The following GPC5 variants were observed in gnomAD, a reference collection of about 807,000 sequenced individuals.
GPC5 encodes glypican 5.
GPC5 carries 47 observed loss-of-function variants against 53.9 expected under a neutral mutation model. That is an observed-to-expected ratio of 0.87 (90% CI 0.69 to 1.11). The LOEUF (loss-of-function observed/expected upper bound fraction) is 1.11, where lower values mean the gene tolerates loss of function less well. Ranked by LOEUF, GPC5 falls within the 50% of genes most tolerant of loss-of-function variation. The pLI is 0.00. For synonymous variants in GPC5, 286 were observed against 263.3 expected, an observed-to-expected ratio of 1.09 and a Z score of -0.84; for missense variants, 748 against 713.1, an observed-to-expected ratio of 1.05 and a Z score of -0.56.
intron 7 of GPC5, among the ~76,000 whole-genome samples, chr13:92,708,857 CTTTTTTTTTTTTTTTTTTTTTTT>C (rs752130758): frequency 4.4e-4 from 21 of 48,184 alleles, no homozygotes; most frequent in South Asian, 2.8e-3. Flanking sequence ...TGGAAACCGC[CTTTTTTTTTTTTTTTTTTTTTTT>C]TTTTTTTTTT....
intron 7 of GPC5, among the ~76,000 whole-genome samples, chr13:92,386,394 T>C (rs1253619177): frequency 1.3e-5 from 2 of 152,036 alleles, no homozygotes; most frequent in African/African-American, 4.8e-5. Context: ...CCAATGTACT[T>C]TGAATGACAC....
chr13:91,401,040 C>A (rs1876912299), intron 1 of GPC5, among the ~76,000 whole-genome samples: 1 of 152,138 alleles, frequency 6.6e-6, no homozygotes, highest in Admixed American at 6.5e-5. Flanking sequence ...ATGGAGGAAT[C>A]ACGGGAGCAC....
At chr13:92,282,103 C>G (rs964356396) in intron 7 of GPC5, among the ~76,000 whole-genome samples, 1 of 152,114 alleles carries the variant, frequency 6.6e-6, no homozygotes, top group Non-Finnish European at 1.5e-5. Flanking sequence ...GACGAATGCA[C>G]AAGCTTCAGT....
chr13:91,499,072 A>AGGATGAGTT (rs1032564623), intron 2 of GPC5, among the ~76,000 whole-genome samples: 2 of 152,182 alleles, frequency 1.3e-5, no homozygotes, highest in African/African-American at 4.8e-5. Flanking sequence ...AAATGAGACT[A>AGGATGAGTT]GGATGAGTTG....
chr13:92,503,658 C>T (rs1289122518), intron 7 of GPC5, among the ~76,000 whole-genome samples: 1 of 151,610 alleles, frequency 6.6e-6, no homozygotes, highest in Non-Finnish European at 1.5e-5. Flanking sequence ...TATCGATACC[C>T]AATTATCAAT....
chr13:91,627,372 T>C (rs989698440), intron 2 of GPC5, among the ~76,000 whole-genome samples: 5 of 150,788 alleles, frequency 3.3e-5, no homozygotes, highest in African/African-American at 4.9e-5. Context: ...CCATGATGTA[T>C]GTGAGAAATG....
At position 92,446,221 on chromosome 13, in the gene GPC5, C is replaced by T. The variant is rs531714221; in HGVS notation, c.1561+301232C>T. Among the ~76,000 whole-genome samples the T allele has an allele frequency of 2.0e-5, 3 of 151,752 alleles. No homozygotes were observed. In the East Asian group the frequency reaches 5.8e-4, roughly 29 times the overall value. ...TTTTTTTTTACCCAATAATTATCCC[C>T]ATTTCACCTTCTCTGCCTTAACCCC... On this transcript the variant is annotated intron_variant, in intron 7 of 7. Coordinates refer to ENST00000377067, the MANE Select transcript of GPC5 (RefSeq NM_004466.6).
intron 2 of GPC5, among the ~76,000 whole-genome samples, chr13:91,636,405 T>C (rs1566571054): frequency 6.6e-6 from 1 of 152,122 alleles, no homozygotes; most frequent in African/African-American, 2.4e-5. Flanking sequence ...ATTATGTGTG[T>C]GTGTATATAC....
chr13:92,435,311 C>T (rs910332792), intron 7 of GPC5, among the ~76,000 whole-genome samples: 5 of 151,978 alleles, frequency 3.3e-5, no homozygotes, highest in East Asian at 3.9e-4. Context: ...GAATCAAGAC[C>T]AAAAGGGGTT....
Position 92,600,569 on chromosome 13 carries a change from C to G in GPC5, c.1562-265713C>G, listed in dbSNP as rs149402263. Among the ~76,000 whole-genome samples, 23 of 152,116 alleles carry G rather than the reference C, an allele frequency of 1.5e-4. 1 individual carries two copies. In the East Asian group the frequency reaches 4.5e-3, roughly 29 times the overall value. ...CTAGAGTGCAATGGCATGATCTCAG[C>G]TCACTGCAACCACCGTCTCCCAGGT... On this transcript the variant is annotated intron_variant, in intron 7 of 7. Coordinates refer to ENST00000377067, the MANE Select transcript of GPC5 (RefSeq NM_004466.6).
At chr13:92,453,297 A>G (rs1179464071) in intron 7 of GPC5, among the ~76,000 whole-genome samples, 14 of 152,220 alleles carry the variant, frequency 9.2e-5, no homozygotes, top group Admixed American at 9.2e-4. Context: ...ATGAAAAATC[A>G]TTCCAAAATG....
chr13:92,092,300 G>A (rs2041387555), intron 6 of GPC5, among the ~76,000 whole-genome samples: 1 of 152,082 alleles, frequency 6.6e-6, no homozygotes, highest in Non-Finnish European at 1.5e-5. Flanking sequence ...CTAAAATAAA[G>A]TAAATCATGA....
intron 7 of GPC5, among the ~76,000 whole-genome samples, chr13:92,440,249 C>G (rs1392118340): frequency 2.0e-5 from 3 of 152,172 alleles, no homozygotes; most frequent in Non-Finnish European, 4.4e-5. Context: ...CACTTTACCC[C>G]TCCCTCTCTC....
chr13:91,447,142 T>A (rs1206207651), intron 1 of GPC5, among the ~76,000 whole-genome samples: 1 of 152,226 alleles, frequency 6.6e-6, no homozygotes, highest in Non-Finnish European at 1.5e-5. Flanking sequence ...ATATTTAAAT[T>A]CCAAAGAGAT....
At chr13:92,603,555 C>T (rs1222271218) in intron 7 of GPC5, among the ~76,000 whole-genome samples, 4 of 152,138 alleles carry the variant, frequency 2.6e-5, no homozygotes, top group South Asian at 2.1e-4. Flanking sequence ...ATTGCACCTA[C>T]GAGGCACAAC....
intron 2 of GPC5, among the ~76,000 whole-genome samples, chr13:91,463,703 C>A (rs1212396723): frequency 6.6e-6 from 1 of 152,024 alleles, no homozygotes; most frequent in Non-Finnish European, 1.5e-5. Context: ...TCCTTTTCAA[C>A]AAACTGTGTT....
At chr13:91,873,590 C>T (rs1215541910) in intron 5 of GPC5, among the ~76,000 whole-genome samples, 1 of 152,156 alleles carries the variant, frequency 6.6e-6, no homozygotes, top group Non-Finnish European at 1.5e-5. Flanking sequence ...CTTTCACCTT[C>T]CCCCATGAGT....
chr13:92,529,185 A>G (rs982980375), intron 7 of GPC5, among the ~76,000 whole-genome samples: 4 of 152,174 alleles, frequency 2.6e-5, no homozygotes, highest in African/African-American at 4.8e-5. Context: ...ATTTTAACAA[A>G]CAGTTAAAAT....
At chr13:92,185,525 C>T (rs891658848) in intron 7 of GPC5, among the ~76,000 whole-genome samples, 3 of 152,010 alleles carry the variant, frequency 2.0e-5, no homozygotes, top group Non-Finnish European at 4.4e-5. Context: ...TAAATGACTC[C>T]TTTTCACCAC....
Sources: allele counts gnomAD v4.1 joint callset (sites outside exome capture counted in the v4.1 genomes callset), GRCh38; gene constraint gnomAD v4.1.1; transcripts MANE v1.5; gene names NCBI Gene and HGNC (gene_info 2026-07-23, HGNC 2026-07-21).